The following AGAP3 variants were observed in gnomAD, a reference collection of about 807,000 sequenced individuals.
AGAP3 encodes the protein ArfGAP with GTPase domain, ankyrin repeat and PH domain 3, also known as arf-GAP with GTPase, ANK repeat and PH domain-containing protein 3.
A neutral mutation model predicts 96.9 loss-of-function variants in AGAP3; 24 were observed. That is an observed-to-expected ratio of 0.25 (90% CI 0.18 to 0.35). The LOEUF (loss-of-function observed/expected upper bound fraction) is 0.35, where lower values mean the gene tolerates loss of function less well. Ranked by LOEUF, AGAP3 falls within the 10% of genes least tolerant of loss-of-function variation. The pLI, the probability that AGAP3 is intolerant of heterozygous loss-of-function variation, is 1.00. For missense variants in AGAP3, 876 were observed against 1,254.2 expected (o/e 0.70, Z 4.55); for synonymous variants, 563 against 536.1 (o/e 1.05, Z -0.69).
intron 8 of AGAP3, among the ~76,000 whole-genome samples, chr7:151,122,559 CCTT>C (rs1275597021): frequency 2.6e-5 from 4 of 151,806 alleles, no homozygotes; most frequent in African/African-American, 4.8e-5. Context: ...TCCTCCTCCT[CCTT>C]GTCCTTCTCC....
At chr7:151,123,324 CTCTG>C (rs1800005101) in intron 8 of AGAP3, 5 of 1,031,908 alleles carry the variant, frequency 4.8e-6, no homozygotes, top group Non-Finnish European at 4.7e-6. Flanking sequence ...TCTCTCCTCT[CTCTG>C]TCCATCCACT....
intron 7 of AGAP3, among the ~76,000 whole-genome samples, chr7:151,119,645 G>A (rs1181274364): frequency 6.6e-6 from 1 of 152,198 alleles, no homozygotes; most frequent in Non-Finnish European, 1.5e-5. Context: ...ACCACCTGCA[G>A]GTCAGGACTC....
At chr7:151,125,428 C>G (rs1360894586) in intron 9 of AGAP3, among the ~76,000 whole-genome samples, 1 of 152,192 alleles carries the variant, frequency 6.6e-6, no homozygotes, top group Non-Finnish European at 1.5e-5. Flanking sequence ...GTTAGTAGGT[C>G]ACTTGGGTGT....
chr7:151,142,249 A>C lies in AGAP3; in HGVS notation c.2046A>C (p.Ala682=). 6.2e-7 allele frequency: 1 copy of C among 1,612,892 alleles called. No homozygotes were observed. Among genetic ancestry groups the C allele is most frequent in the Non-Finnish European group, 8.5e-7 (1 of 1,179,906 alleles). ...ACAGCTTTTGTATCGACTGCGATGC[A>C]CCCAGTGAGTGCAAGGCTGGTGGGG... ...RGNSFCIDCD[A]PNPDWASLNL... The change falls in exon 15 of 18, where the codon GCA becomes GCC. Residue 682 remains alanine (A), a synonymous_variant. Transcript: ENST00000397238. The surrounding 1 kb of genome is among the most constrained non-coding windows in gnomAD (Gnocchi z 7.5).
intron 8 of AGAP3, chr7:151,120,765 GAGCTCCT>G: frequency 8.4e-7 from 1 of 1,190,894 alleles, no homozygotes; most frequent in Non-Finnish European, 1.1e-6. Context: ...GTCTCCTTGT[GAGCTCCT>G]CACTCACCCC....
At chr7:151,128,805 T>C (rs1800286740) in intron 10 of AGAP3, 121 bp downstream of exon 10, 1 of 841,404 alleles carries the variant, frequency 1.2e-6, no homozygotes, top group Non-Finnish European at 1.9e-6. Flanking sequence ...TGATTTCAAA[T>C]GGCTCATCCC....
chr7:151,127,913 C>G (rs1800243724), intron 9 of AGAP3, among the ~76,000 whole-genome samples: 1 of 152,180 alleles, frequency 6.6e-6, no homozygotes, highest in South Asian at 2.1e-4. Flanking sequence ...CAGGCCCTGT[C>G]CCCGGGGCAG....
chr7:151,115,200 G>GGCGCGGGTCTGGGGC (rs1799499219), intron 1 of AGAP3: 3 of 1,008,416 alleles, frequency 3.0e-6, no homozygotes, highest in South Asian at 8.5e-5. Flanking sequence ...CGAGGCGCCG[G>GGCGCGGGTCTGGGGC]GCGCGGGTCT....
rs191522970 is a variant in AGAP3 at position 151,096,369 on chromosome 7, G to A, written c.331+9297G>A. Among the ~76,000 whole-genome samples the A allele has an allele frequency of 2.0e-3, 292 of 143,326 alleles. No homozygotes were observed. Among genetic ancestry groups the A allele is most frequent in the African/African-American group, 6.7e-3 (271 of 40,326 alleles). 94.0% of individuals were successfully genotyped at this position (143,326 alleles called of 152,430 possible). A position where few individuals can be genotyped will look rare whatever the true frequency, so the allele number is the denominator to read the frequency against. On this transcript the variant is annotated intron_variant, in intron 1 of 17. Transcript: ENST00000397238. This position sits in a 1 kb window ranked among gnomAD's most constrained non-coding sequence, Gnocchi z 4.4. ...GCTGTCACAGGGCCTGCACGTTCCC[G>A]TGAACACCCAGGGTCATCTTTGATG...
In AGAP3 at chr7:151,086,879, C is replaced by G. The variant is rs2150396490; in HGVS notation, c.138C>G (p.Gly46=). ...GCGCGGGGCCCGGGGCCGGGGGCGG[C>G]GGCGGCCCCTCGCAGCAGCTGGCCG... is the stretch of plus-strand genomic sequence containing the variant. The part of the protein sequence containing the change: ...FGGAGPGAGG[G]GGPSQQLAGG... The change falls in exon 1 of 18, where the codon GGC becomes GGG. Residue 46 remains glycine (G), a synonymous_variant. Coordinates refer to ENST00000397238, the MANE Select transcript of AGAP3 (RefSeq NM_031946.7). 1 of 1,285,192 alleles carries G rather than the reference C, an allele frequency of 7.8e-7. No homozygotes were observed. The highest frequency in any genetic ancestry group is 9.9e-7 in the Non-Finnish European group (1 of 1,006,432). 79.6% of individuals were successfully genotyped at this position (1,285,192 alleles called of 1,614,324 possible).
At position 151,139,881 on chromosome 7, in the gene AGAP3, A is replaced by G; in HGVS notation, c.1667-98A>G. 1 of 1,190,896 alleles carries G rather than the reference A, an allele frequency of 8.4e-7. No homozygotes were observed. The highest frequency in any genetic ancestry group is 1.1e-6 in the Non-Finnish European group (1 of 909,204). The allele number at this position is 1,190,896 out of a possible 1,614,324, so 73.8% of individuals were successfully genotyped here. A position where few individuals can be genotyped will look rare whatever the true frequency, so the allele number is the denominator to read the frequency against. Reference sequence around the variant, plus strand: ...GCTCTCCTGAGTGTGGCCCAGCTACAGTTGGCAGGACTGGTCCTCTCCTCC... The same window carrying G: ...GCTCTCCTGAGTGTGGCCCAGCTACGGTTGGCAGGACTGGTCCTCTCCTCC... On this transcript the variant is annotated intron_variant, in intron 12 of 17. Coordinates refer to ENST00000397238, the MANE Select transcript of AGAP3 (RefSeq NM_031946.7). This position sits in a 1 kb window ranked among gnomAD's most constrained non-coding sequence, Gnocchi z 4.9.
At chr7:151,124,038 G>T (rs1329015201) in intron 9 of AGAP3, 152 bp downstream of exon 9, 5 of 790,190 alleles carry the variant, frequency 6.3e-6, no homozygotes, top group African/African-American at 5.2e-5. Flanking sequence ...CAAGGGACTG[G>T]CTCTCCAGTG....
Position 151,118,276 on chromosome 7 carries a change from T to C in AGAP3, c.773T>C (p.Leu258Pro). ...AGAGCCCGCAAGCTCTCCACAGATC[T>C]GAAGCGGTGCACCTACTATGAGACG... ...DSRARKLSTD[L>P]KRCTYYETCA... The change falls in exon 6 of 18, where the codon CTG becomes CCG. Residue 258 changes from leucine (L) to proline (P), a missense_variant. Transcript: ENST00000397238. This position sits in a 1 kb window ranked among gnomAD's most constrained non-coding sequence, Gnocchi z 6.1. 6.2e-7 allele frequency: 1 copy of C among 1,613,810 alleles called. No homozygotes were observed. Among genetic ancestry groups the C allele is most frequent in the Non-Finnish European group, 8.5e-7 (1 of 1,179,716 alleles).
Position 151,108,205 on chromosome 7 carries a change from G to A in AGAP3, c.332-8588G>A, listed in dbSNP as rs1430401823. Among the ~76,000 whole-genome samples the A allele has an allele frequency of 6.6e-6, 1 of 152,206 alleles. No individual in the cohort carries two copies. The highest frequency in any genetic ancestry group is 1.5e-5 in the Non-Finnish European group (1 of 68,020). On this transcript the variant is annotated intron_variant, in intron 1 of 17. Coordinates refer to ENST00000397238, the MANE Select transcript of AGAP3 (RefSeq NM_031946.7). This position sits in a 1 kb window ranked among gnomAD's most constrained non-coding sequence, Gnocchi z 4.2. Reference sequence around the variant, plus strand: ...ATGCTAAGGGACCGAGTCTTCGAGGGGAGGGCCTTTGTCCTGTCCACCATT... The same window carrying A: ...ATGCTAAGGGACCGAGTCTTCGAGGAGAGGGCCTTTGTCCTGTCCACCATT...
chr7:151,137,104 C>T (rs1029813587), intron 11 of AGAP3, among the ~76,000 whole-genome samples: 1 of 152,238 alleles, frequency 6.6e-6, no homozygotes, highest in Admixed American at 6.5e-5. Context: ...AGCTGTGGCC[C>T]CTTGGGCCAT....
At chr7:151,122,687 A>AT in intron 8 of AGAP3, 1 of 1,612,714 alleles carries the variant, frequency 6.2e-7, no homozygotes, top group African/African-American at 1.3e-5. Context: ...GGGCTTGAGT[A>AT]TAACTTGCCA....
Position 151,143,310 on chromosome 7 carries a change from G to C in AGAP3, c.2274-31G>C. The C allele has an allele frequency of 2.5e-6, 4 of 1,581,414 alleles. No individual in the cohort carries two copies. Among genetic ancestry groups the C allele is most frequent in the Non-Finnish European group, 3.4e-6 (4 of 1,160,924 alleles). ...CACCCGTTGCTCGGTGACCTTCCTT[G>C]GCTCATGCCCTGATGGGCCTGTGGT... is the stretch of plus-strand genomic sequence containing the variant. On this transcript the variant is annotated intron_variant, in intron 16 of 17. Coordinates refer to ENST00000397238, the MANE Select transcript of AGAP3 (RefSeq NM_031946.7). This position sits in a 1 kb window ranked among gnomAD's most constrained non-coding sequence, Gnocchi z 5.9.
chr7:151,134,652 C>T (rs1261097438), intron 11 of AGAP3, 84 bp downstream of exon 11: 1 of 1,382,378 alleles, frequency 7.2e-7, no homozygotes, highest in Non-Finnish European at 9.9e-7. Flanking sequence ...GGCTGCTTCT[C>T]AGCCTGGGCA....
At chr7:151,134,309 A>C in intron 10 of AGAP3, 91 bp from the exon 11 acceptor site, 2 of 1,418,978 alleles carry the variant, frequency 1.4e-6, no homozygotes, top group Non-Finnish European at 2.0e-6. Flanking sequence ...CTCTCCTCCC[A>C]CAGCAGGGAG....
Sources: gnomAD v4.1 joint callset for allele counts (sites outside exome capture counted in the v4.1 genomes callset) on GRCh38, gnomAD v4.1.1 for gene constraint, Gnocchi (gnomAD v3.1) non-coding constraint, MANE v1.5 for transcripts, NCBI Gene and HGNC (gene_info 2026-07-23, HGNC 2026-07-21) for gene names.